Variants in TMEM272 observed in about 807,000 individuals in gnomAD.
TMEM272 encodes long intergenic non-protein coding RNA 282.
Under a neutral mutation model 3.7 loss-of-function variants are expected in TMEM272, and 8 were observed. That is an observed-to-expected ratio of 2.17 (90% CI 1.27 to 3.91). The LOEUF (loss-of-function observed/expected upper bound fraction) is 3.91, where lower values mean the gene tolerates loss of function less well. TMEM272 is among the 30% of genes most tolerant of loss of function. The pLI is 0.00. For missense variants in TMEM272, 166 were observed against 91.5 expected (o/e 1.81, Z -3.32); for synonymous variants, 63 against 39.8 (o/e 1.58, Z -2.20).
At chr13:51,866,187 C>T in the TMEM272 span, 2 of 951,892 alleles carry the variant, frequency 2.1e-6, no homozygotes, top group Admixed American at 6.1e-5. Context: ...GGTCTCCTTG[C>T]TTTGAAAGAT....
intron 2 of TMEM272, among the ~76,000 whole-genome samples, chr13:51,827,377 C>G (rs1051591794): frequency 2.0e-5 from 3 of 152,212 alleles, no homozygotes; most frequent in Non-Finnish European, 4.4e-5. Flanking sequence ...AAGGTGGTGA[C>G]AGATGTATGC....
chr13:51,848,899 T>C (rs1956318911), upstream of TMEM272, among the ~76,000 whole-genome samples: 1 of 152,192 alleles, frequency 6.6e-6, no homozygotes. Flanking sequence ...TCCTAATTCT[T>C]TTCATGCTTT....
At position 51,816,796 on chromosome 13, in the gene TMEM272, A is replaced by C; in HGVS notation, c.519T>G (p.Cys173Trp). 1.4e-6 allele frequency: 1 copy of C among 702,928 alleles called. No individual in the cohort carries two copies. Among genetic ancestry groups the C allele is most frequent in the South Asian group, 1.5e-5 (1 of 67,604 alleles). 43.5% of individuals were successfully genotyped at this position (702,928 alleles called of 1,614,324 possible). ...VLVLLLLCSG[C>W]VYLCSRWRLA... ...GTCTCCACCTGGAGCACAGGTAGACACAGCCGCTGCACAGCAGGAGCAAGA... is the reference window on the plus strand; with the variant it reads ...GTCTCCACCTGGAGCACAGGTAGACCCAGCCGCTGCACAGCAGGAGCAAGA... The change falls in exon 5 of 5, where the codon TGT (cysteine) becomes TGG (tryptophan). Residue 173 changes from cysteine to tryptophan, a missense_variant. Coordinates refer to ENST00000629372, the MANE Select transcript of TMEM272 (RefSeq NM_001351003.2).
chr13:51,848,090 C>T (rs905641945), upstream of TMEM272, among the ~76,000 whole-genome samples: 3 of 152,030 alleles, frequency 2.0e-5, no homozygotes, highest in African/African-American at 7.2e-5. Flanking sequence ...AACGGGGAAT[C>T]TGATATGGGG....
At chr13:51,900,235 A>T in the TMEM272 span, among the ~76,000 whole-genome samples, 1 of 152,222 alleles carries the variant, frequency 6.6e-6, no homozygotes, top group Non-Finnish European at 1.5e-5. Flanking sequence ...GATACTTGCA[A>T]GTCACAGATC....
chr13:51,862,886 C>G, the TMEM272 span, among the ~76,000 whole-genome samples: 1 of 152,206 alleles, frequency 6.6e-6, no homozygotes, highest in Admixed American at 6.5e-5. Flanking sequence ...TTCACCAATT[C>G]CCTCCTATAT....
chr13:51,887,759 CT>C, the TMEM272 span, among the ~76,000 whole-genome samples: 2 of 152,198 alleles, frequency 1.3e-5, no homozygotes, highest in Admixed American at 1.3e-4. Flanking sequence ...ACTCTGCCAA[CT>C]CTTCTCAATC....
At chr13:51,927,659 T>C in the TMEM272 span, among the ~76,000 whole-genome samples, 1 of 152,162 alleles carries the variant, frequency 6.6e-6, no homozygotes, top group Admixed American at 6.5e-5. Context: ...ACTCACGTCC[T>C]CAATCCCCAA....
At chr13:51,828,454 G>C (rs1431368183) in intron 2 of TMEM272, among the ~76,000 whole-genome samples, 1 of 152,084 alleles carries the variant, frequency 6.6e-6, no homozygotes, top group Non-Finnish European at 1.5e-5. Context: ...AAAGAGACCC[G>C]AGAAGTTGCC....
chr13:51,816,672 T>C lies in TMEM272; in HGVS notation c.*79A>G. 1 of 633,654 alleles carries C rather than the reference T, an allele frequency of 1.6e-6. No individual in the cohort carries two copies. Among genetic ancestry groups the C allele is most frequent in the Non-Finnish European group, 2.9e-6 (1 of 347,848 alleles). 39.3% of individuals were successfully genotyped at this position (633,654 alleles called of 1,614,324 possible). ...CTGAACCTGTGTGTGTGTGTGTGTGTGTGTGCGTCTGTGTGTCTGTGTGCA... is the reference window on the plus strand; with the variant it reads ...CTGAACCTGTGTGTGTGTGTGTGTGCGTGTGCGTCTGTGTGTCTGTGTGCA... On this transcript the variant is annotated 3_prime_UTR_variant, in exon 5 of 5. Coordinates refer to ENST00000629372, the MANE Select transcript of TMEM272 (RefSeq NM_001351003.2).
chr13:51,932,399 G>C, the TMEM272 span: 1 of 152,240 alleles, frequency 6.6e-6, no homozygotes, highest in Non-Finnish European at 1.5e-5. Context: ...GCCTGTGTCC[G>C]ATCCAGCGGG....
At chr13:51,865,880 A>G in the TMEM272 span, 1 of 1,613,604 alleles carries the variant, frequency 6.2e-7, no homozygotes. Flanking sequence ...GGTAGAGGAA[A>G]GAGCCCTCCT....
Position 51,813,488 on chromosome 13 carries a change from C to G in TMEM272, c.*3263G>C, listed in dbSNP as rs1276959806. On this transcript the variant is annotated 3_prime_UTR_variant, in exon 5 of 5. Coordinates refer to ENST00000629372, the MANE Select transcript of TMEM272 (RefSeq NM_001351003.2). ...AAAGAGAAGGAAATAACACGAAGTACTGGAAGTGACATTATATTGTCCTCA... is the reference window on the plus strand; with the variant it reads ...AAAGAGAAGGAAATAACACGAAGTAGTGGAAGTGACATTATATTGTCCTCA... 4 of 381,570 alleles carry G rather than the reference C, an allele frequency of 1.0e-5. No individual in the cohort carries two copies. Among genetic ancestry groups the G allele is most frequent in the Non-Finnish European group, 1.9e-5 (4 of 216,116 alleles). The allele number at this position is 381,570 out of a possible 1,614,324, so 23.6% of individuals were successfully genotyped here. A position where few individuals can be genotyped will look rare whatever the true frequency, so the allele number is the denominator to read the frequency against.
At chr13:51,921,804 C>T in the TMEM272 span, among the ~76,000 whole-genome samples, 1 of 152,236 alleles carries the variant, frequency 6.6e-6, no homozygotes, top group Non-Finnish European at 1.5e-5. Context: ...TCCCCTCTCT[C>T]CCACTCAGCT....
chr13:51,831,880 TG>T (rs1367982526), intron 2 of TMEM272, among the ~76,000 whole-genome samples: 1 of 152,250 alleles, frequency 6.6e-6, no homozygotes, highest in Non-Finnish European at 1.5e-5. Flanking sequence ...TCTGATGCCA[TG>T]AGAGTCTCCA....
chr13:51,829,896 T>C (rs150361010), intron 2 of TMEM272, among the ~76,000 whole-genome samples: 177 of 152,270 alleles, frequency 1.2e-3, no homozygotes, highest in African/African-American at 4.1e-3. Context: ...CCCTCCCCTT[T>C]TCCTTCTTAA....
Position 51,815,687 on chromosome 13 carries a change from G to C in TMEM272, c.*1064C>G, listed in dbSNP as rs1352026383. On this transcript the variant is annotated 3_prime_UTR_variant, in exon 5 of 5. Transcript: ENST00000629372. ...ATCTTCATACAAAATTCTAAAACATGGGACTTTTTGCTCATAAAGAGGCTC... is the reference window on the plus strand; with the variant it reads ...ATCTTCATACAAAATTCTAAAACATCGGACTTTTTGCTCATAAAGAGGCTC... 6.6e-6 allele frequency: 1 copy of C among 152,170 alleles called. No individual in the cohort carries two copies. Among genetic ancestry groups the C allele is most frequent in the Non-Finnish European group, 1.5e-5 (1 of 68,044 alleles). 9.4% of individuals were successfully genotyped at this position (152,170 alleles called of 1,614,324 possible). A position where few individuals can be genotyped will look rare whatever the true frequency, so the allele number is the denominator to read the frequency against.
chr13:51,910,051 T>C, the TMEM272 span: 1 of 1,357,304 alleles, frequency 7.4e-7, no homozygotes, highest in Non-Finnish European at 1.1e-6. Flanking sequence ...AAGGTCATTT[T>C]GGCTTCAGTT....
chr13:51,817,826 G>A (rs966625495), intron 4 of TMEM272, among the ~76,000 whole-genome samples: 1 of 152,176 alleles, frequency 6.6e-6, no homozygotes, highest in Admixed American at 6.5e-5. Flanking sequence ...GCCCCTGGTA[G>A]ATGGTCCCTG....
Sources: gnomAD v4.1 joint callset for allele counts (sites outside exome capture counted in the v4.1 genomes callset) on GRCh38, gnomAD v4.1.1 for gene constraint, MANE v1.5 for transcripts, NCBI Gene and HGNC (gene_info 2026-07-23, HGNC 2026-07-21) for gene names.